The following GPS2 variants were observed in gnomAD, a reference collection of about 807,000 sequenced individuals.
GPS2 encodes the protein G protein pathway suppressor 2, also known as GPS-2.
Under a neutral mutation model 48.1 loss-of-function variants are expected in GPS2, and 22 were observed. The ratio of observed to expected loss-of-function variants is 0.46; its 90% confidence interval spans 0.33 to 0.65. The LOEUF (loss-of-function observed/expected upper bound fraction) is 0.65. Ranked by LOEUF, GPS2 falls within the 30% of genes least tolerant of loss-of-function variation. The pLI is 0.03. For missense variants in GPS2, 366 were observed against 406.8 expected, an observed-to-expected ratio of 0.90 and a Z score of 0.86; for synonymous variants, 202 against 142.5, an observed-to-expected ratio of 1.42 and a Z score of -2.98.
At position 7,315,026 on chromosome 17, in the gene GPS2, C is replaced by A; in HGVS notation, c.27G>T (p.Lys9Asn). Residue 9 changes from lysine (K) to asparagine (N), a missense_variant, in exon 2 of 11, where the codon AAG (lysine) becomes AAT (asparagine). Lys to Asn is a moderately conservative substitution (Grantham distance 94, BLOSUM62 0). Transcript: ENST00000380728. ...GCGCCCTGGCCATGGCGTTGGAAAG[C>A]TTGGGGCGCTCCAGGAGTGCGGGCA... The part of the protein sequence containing the change: MPALLERP[K>N]LSNAMARALH... The A allele has an allele frequency of 6.2e-7, 1 of 1,603,800 alleles. No homozygotes were observed. The highest frequency in any genetic ancestry group is 8.5e-7 in the Non-Finnish European group (1 of 1,176,202).
rs1354987619 is a variant in GPS2 at position 7,315,114 on chromosome 17, C to G, written c.-62G>C. Reference sequence around the variant, plus strand: ...CTGTCTCTGACTGCCAGACCTCAGACGGGGCCTGCGGGGAGGCGGGCGCTC... The same window carrying G: ...CTGTCTCTGACTGCCAGACCTCAGAGGGGGCCTGCGGGGAGGCGGGCGCTC... On this transcript the variant is annotated 5_prime_UTR_variant, in exon 2 of 11. Coordinates refer to ENST00000380728, the MANE Select transcript of GPS2 (RefSeq NM_004489.5). 1 of 1,303,764 alleles carries G rather than the reference C, an allele frequency of 7.7e-7. No homozygotes were observed. The highest frequency in any genetic ancestry group is 1.6e-5 in the African/African-American group (1 of 64,338). The allele number at this position is 1,303,764 out of a possible 1,614,324, so 80.8% of individuals were successfully genotyped here. A position where few individuals can be genotyped will look rare whatever the true frequency, so the allele number is the denominator to read the frequency against.
rs956885720 is a variant in GPS2 at position 7,312,986 on chromosome 17, T to C, written c.900+43A>G. ...ACCTAATCCTGCTTTTCCGGATCCC[T>C]AGTGTAGGGATTCTGACAGGTAAAT... On this transcript the variant is annotated intron_variant, in intron 10 of 10. Coordinates refer to ENST00000380728, the MANE Select transcript of GPS2 (RefSeq NM_004489.5). The C allele has an allele frequency of 4.0e-6, 6 of 1,494,542 alleles. No individual in the cohort carries two copies. In the African/African-American group the frequency reaches 8.3e-5, roughly 21 times the overall value. 92.6% of individuals were successfully genotyped at this position (1,494,542 alleles called of 1,614,324 possible).
chr17:7,313,333 G>A, intron 8 of GPS2, 42 bp from the exon 9 acceptor site: 1 of 1,611,114 alleles, frequency 6.2e-7, no homozygotes, highest in Non-Finnish European at 8.5e-7. Context: ...AATGAAACAG[G>A]GAGGGGAGGA....
At chr17:7,315,173 G>C (rs1015652629) in intron 1 of GPS2, 54 bp from the exon 2 acceptor site, 8 of 573,866 alleles carry the variant, frequency 1.4e-5, no homozygotes, top group East Asian at 1.1e-4. Flanking sequence ...GCGGAAGCCC[G>C]TCCGCCCGGC....
In GPS2 at chr17:7,314,106, G is replaced by C. The variant is rs768252271; in HGVS notation, c.371C>G (p.Thr124Arg). ...CTGCATGCTGAGGAGATGAGTTCCT[G>C]TGTGAACAGTCAGGCTCTGCTGGTA... ...AAYQQSLTVH[T>R]GTHLLSMQGS... The change falls in exon 5 of 11, where the codon ACA (threonine) becomes AGA (arginine). Residue 124 changes from threonine to arginine, a missense_variant. Physicochemically the swap from Thr to Arg is moderately conservative, Grantham distance 71. This residue lies in a region of GPS2 where 275 missense variants were observed against 282.3 expected (regional missense o/e 0.97). Transcript: ENST00000380728. 6.2e-7 allele frequency: 1 copy of C among 1,614,098 alleles called. No homozygotes were observed. The highest frequency in any genetic ancestry group is 1.1e-5 in the South Asian group (1 of 91,074).
chr17:7,315,341 TGCGCTTTCTCA>T lies in GPS2; in HGVS notation c.-89_-79del. On this transcript the variant is annotated 5_prime_UTR_variant, in exon 1 of 11. Coordinates refer to ENST00000380728, the MANE Select transcript of GPS2 (RefSeq NM_004489.5). ...GACTGCCCTTCCTACCCGCCTTCTC[TGCGCTTTCTCA>T]GCGGCTCCGACGCGCCCTGGCCCCT... 1 of 391,948 alleles carries T rather than the reference TGCGCTTTCTCA, an allele frequency of 2.6e-6. No homozygotes were observed. Among genetic ancestry groups the T allele is most frequent in the Non-Finnish European group, 4.5e-6 (1 of 222,274 alleles). 24.3% of individuals were successfully genotyped at this position (391,948 alleles called of 1,614,324 possible).
chr17:7,313,463 G>A lies in GPS2; in HGVS notation c.641C>T (p.Ser214Leu), dbSNP rs1324992597. ...TAGGTACTGCACTGCAGGGAATGCC[G>A]AAGGAGCTGAGAAAGGAAAAGACAG... ...YSPSQQLRAP[S>L]AFPAVQYLSQ... The change falls in exon 8 of 11, where the codon TCG becomes TTG. Residue 214 changes from serine to leucine, a missense_variant. Physicochemically the swap from Ser to Leu is moderately radical, Grantham distance 145. Around this residue, in one of 3 missense-constraint regions of GPS2, gnomAD observed 275 missense variants for 282.3 expected, o/e 0.97. Coordinates refer to ENST00000380728, the MANE Select transcript of GPS2 (RefSeq NM_004489.5). 1.2e-6 allele frequency: 2 copies of A among 1,614,130 alleles called. No individual in the cohort carries two copies. The highest frequency in any genetic ancestry group is 1.1e-5 in the South Asian group (1 of 91,082).
At chr17:7,312,880 A>G (rs1388085879) in intron 10 of GPS2, 41 bp from the exon 11 acceptor site, 4 of 1,574,548 alleles carry the variant, frequency 2.5e-6, no homozygotes, top group East Asian at 2.2e-5. Context: ...CACTGGGCAT[A>G]CTCTCCCTTC....
chr17:7,313,762 A>G, intron 6 of GPS2, 41 bp from the exon 7 acceptor site: 7 of 1,607,450 alleles, frequency 4.4e-6, no homozygotes, highest in Non-Finnish European at 5.1e-6. Flanking sequence ...AACTCCTTGA[A>G]AGCTGAAACC....
chr17:7,314,062 G>A lies in GPS2; in HGVS notation c.397+18C>T, dbSNP rs779309463. On this transcript the variant is annotated intron_variant, in intron 5 of 10. Transcript: ENST00000380728. The stretch of plus-strand genomic sequence containing the variant: ...TCCAAGAAGGCCGGTTCCATCTGGT[G>A]GTTTCTTTAGTCCTCACCCTGCATG... The A allele has an allele frequency of 3.7e-6, 6 of 1,612,532 alleles. No individual in the cohort carries two copies. The highest frequency in any genetic ancestry group is 2.5e-6 in the Non-Finnish European group (3 of 1,178,592).
rs1419328899 is a variant in GPS2 at position 7,313,197 on chromosome 17, A to G, written c.804+15T>C. 6.2e-7 allele frequency: 1 copy of G among 1,613,174 alleles called. No homozygotes were observed. The highest frequency in any genetic ancestry group is 1.3e-5 in the African/African-American group (1 of 74,896). On this transcript the variant is annotated intron_variant, in intron 9 of 10. Coordinates refer to ENST00000380728, the MANE Select transcript of GPS2 (RefSeq NM_004489.5). ...ACATATCCCTAACCCTGACCTCCCA[A>G]GGTGCCATACTCACTGAGTCGGAGA...
intron 2 of GPS2, 66 bp from the exon 3 acceptor site, chr17:7,314,663 A>G: frequency 6.2e-7 from 1 of 1,608,276 alleles, no homozygotes; most frequent in East Asian, 2.2e-5. Flanking sequence ...TACAGATTGA[A>G]GACCAGCAAA....
chr17:7,313,878 G>A lies in GPS2; in HGVS notation c.480+28C>T, dbSNP rs950411986. Reference sequence around the variant, plus strand: ...CAAGGATGCATGGATGGAAGTACTAGGGGCTAGGCATCCAATCCTACTCTC... The same window carrying A: ...CAAGGATGCATGGATGGAAGTACTAAGGGCTAGGCATCCAATCCTACTCTC... On this transcript the variant is annotated intron_variant, in intron 6 of 10. Coordinates refer to ENST00000380728, the MANE Select transcript of GPS2 (RefSeq NM_004489.5). 3.1e-6 allele frequency: 5 copies of A among 1,599,088 alleles called. No homozygotes were observed. In the East Asian group the frequency reaches 6.7e-5, roughly 21 times the overall value.
intron 10 of GPS2, 61 bp downstream of exon 10, chr17:7,312,968 C>G: frequency 6.8e-7 from 1 of 1,478,810 alleles, no homozygotes. Context: ...CCTACCTAAT[C>G]CTGCTTTTCC....
chr17:7,313,399 G>A lies in GPS2; in HGVS notation c.705C>T (p.His235=), dbSNP rs2143010337. The A allele has an allele frequency of 1.9e-6, 3 of 1,614,160 alleles. No individual in the cohort carries two copies. The highest frequency in any genetic ancestry group is 1.7e-6 in the Non-Finnish European group (2 of 1,179,978). Residue 235 remains histidine, a synonymous_variant, in exon 8 of 11, where the codon CAC becomes CAT. Transcript: ENST00000380728. Reference sequence around the variant, plus strand: ...TATCACCTGTCTGAGTGGGCTGAAAGTGGCCATGCACAGCATAGGGCTGTG... The same window carrying A: ...TATCACCTGTCTGAGTGGGCTGAAAATGGCCATGCACAGCATAGGGCTGTG... ...PQPQPYAVHG[H]FQPTQTGFLQ...
chr17:7,313,717 CGG>C lies in GPS2; in HGVS notation c.483_484del (p.Arg162AlafsTer43). 1.9e-6 allele frequency: 3 copies of C among 1,613,792 alleles called. No individual in the cohort carries two copies. Among genetic ancestry groups the C allele is most frequent in the Non-Finnish European group, 2.5e-6 (3 of 1,179,858 alleles). On this transcript the variant is annotated frameshift_variant and splice_region_variant, in exon 7 of 11. Coordinates refer to ENST00000380728, the MANE Select transcript of GPS2 (RefSeq NM_004489.5). LOFTEE classifies it high-confidence loss of function. ...AGCAGCTGCTGAGCCCACGTAGTGCCGGGTCTAAGGAAGGAGAATGAGAACTC... is the reference window on the plus strand; with the variant it reads ...AGCAGCTGCTGAGCCCACGTAGTGCCGTCTAAGGAAGGAGAATGAGAACTC...
At chr17:7,312,990 G>A in intron 10 of GPS2, 39 bp downstream of exon 10, 2 of 1,479,318 alleles carry the variant, frequency 1.4e-6, no homozygotes, top group Non-Finnish European at 9.3e-7. Flanking sequence ...GATCCCTAGT[G>A]TAGGGATTCT....
chr17:7,314,213 C>T (rs935287344), intron 4 of GPS2, 54 bp from the exon 5 acceptor site: 5 of 1,593,828 alleles, frequency 3.1e-6, no homozygotes, highest in Non-Finnish European at 8.6e-7. Context: ...TCTCTTTTGC[C>T]ATTAAACACT....
chr17:7,313,263 G>C lies in GPS2; in HGVS notation c.753C>G (p.Ser251=), dbSNP rs1322874349. 1 of 1,614,184 alleles carries C rather than the reference G, an allele frequency of 6.2e-7. No homozygotes were observed. The highest frequency in any genetic ancestry group is 1.7e-5 in the Admixed American group (1 of 60,030). The change falls in exon 9 of 11, where the codon TCC becomes TCG. Residue 251 remains serine, a synonymous_variant. Coordinates refer to ENST00000380728, the MANE Select transcript of GPS2 (RefSeq NM_004489.5). The part of the protein sequence containing the change: ...TGFLQPGGAL[S]LQKQMEHANQ... ...TAGCATGTTCCATCTGCTTTTGCAA[G>C]GACAGGGCACCACCAGGCTGGAGGA... is the stretch of plus-strand genomic sequence containing the variant.
Sources: allele counts gnomAD v4.1 joint callset, GRCh38; gene constraint gnomAD v4.1.1; regional missense constraint gnomAD v4.1.1; transcripts MANE v1.5; gene names NCBI Gene and HGNC (gene_info 2026-07-23, HGNC 2026-07-21).